Variants in EYS observed in about 807,000 individuals in gnomAD.
The protein encoded by EYS is protein eyes shut homolog.
EYS carries 250 observed loss-of-function variants against 282.1 expected under a neutral mutation model. The observed-to-expected ratio is 0.89, with a 90% confidence interval of 0.80 to 0.98. EYS has a LOEUF of 0.98. Ranked by LOEUF, EYS falls within the 50% of genes least tolerant of loss-of-function variation. The probability of loss-of-function intolerance (pLI) is 0.00; values close to 1 mark genes in which losing one functional copy is unlikely to be tolerated. For missense variants in EYS, 4,016 were observed against 3,709.0 expected, an observed-to-expected ratio of 1.08 and a Z score of -2.15; for synonymous variants, 1,355 against 1,282.9, an observed-to-expected ratio of 1.06 and a Z score of -1.20.
At chr6:65,689,533 TTA>T (rs1259211866) in intron 1 of EYS, among the ~76,000 whole-genome samples, 1 of 149,674 alleles carries the variant, frequency 6.7e-6, no homozygotes, top group Non-Finnish European at 1.5e-5. Context: ...ATAAAAAAAA[TTA>T]TGTGTAAAAA....
At chr6:63,928,616 T>G (rs983077431) in intron 35 of EYS, among the ~76,000 whole-genome samples, 1 of 152,220 alleles carries the variant, frequency 6.6e-6, no homozygotes. Context: ...ACATATATTC[T>G]ATCTCACTTT....
chr6:65,270,541 T>C (rs940673020), intron 12 of EYS, among the ~76,000 whole-genome samples: 2 of 152,178 alleles, frequency 1.3e-5, no homozygotes, highest in African/African-American at 4.8e-5. Flanking sequence ...TTTTTTGTGA[T>C]ATGGATAGGC....
chr6:65,265,732 T>C (rs890172966), intron 12 of EYS, among the ~76,000 whole-genome samples: 2 of 151,968 alleles, frequency 1.3e-5, no homozygotes, highest in Non-Finnish European at 2.9e-5. Flanking sequence ...TTGAAGAATA[T>C]ATCAAATGTA....
chr6:65,674,603 A>G (rs1378088122), intron 1 of EYS, among the ~76,000 whole-genome samples: 1 of 151,994 alleles, frequency 6.6e-6, no homozygotes, highest in Non-Finnish European at 1.5e-5. Flanking sequence ...GAAATAAATA[A>G]AATTGCCAAC....
chr6:64,944,205 C>T (rs1769195682), intron 15 of EYS, among the ~76,000 whole-genome samples: 1 of 151,966 alleles, frequency 6.6e-6, no homozygotes, highest in Admixed American at 6.6e-5. Context: ...TTTTACTATA[C>T]ACAGAAAAGT....
intron 12 of EYS, among the ~76,000 whole-genome samples, chr6:65,237,897 T>A (rs1766966787): frequency 6.6e-6 from 1 of 152,108 alleles, no homozygotes; most frequent in Admixed American, 6.6e-5. Flanking sequence ...TTACAGTGAA[T>A]CATGGCCCAT....
intron 12 of EYS, among the ~76,000 whole-genome samples, chr6:65,127,429 GT>G (rs1775750382): frequency 6.6e-6 from 1 of 152,000 alleles, no homozygotes; most frequent in South Asian, 2.1e-4. Context: ...CAAAGCAATT[GT>G]TAAATTTTAA....
At chr6:65,251,938 T>A (rs1767336260) in intron 12 of EYS, among the ~76,000 whole-genome samples, 1 of 152,012 alleles carries the variant, frequency 6.6e-6, no homozygotes, top group Non-Finnish European at 1.5e-5. Flanking sequence ...AATTCCGTCA[T>A]GCTGGTGGTG....
intron 12 of EYS, among the ~76,000 whole-genome samples, chr6:65,073,153 C>A (rs1773948271): frequency 6.6e-6 from 1 of 151,536 alleles, no homozygotes; most frequent in Admixed American, 6.6e-5. Flanking sequence ...ACCCTTTGGG[C>A]ATGTAGCAGA....
intron 12 of EYS, among the ~76,000 whole-genome samples, chr6:65,252,187 AG>A (rs1381160936): frequency 6.6e-6 from 1 of 152,000 alleles, no homozygotes; most frequent in East Asian, 1.9e-4. Flanking sequence ...TGGAGTGCAC[AG>A]GGGAGATGGC....
intron 31 of EYS, among the ~76,000 whole-genome samples, chr6:64,179,623 G>A (rs986143853): frequency 1.3e-5 from 2 of 152,026 alleles, no homozygotes; most frequent in Admixed American, 6.6e-5. Context: ...ACATTTCAGA[G>A]TTTATAAAAT....
intron 22 of EYS, among the ~76,000 whole-genome samples, chr6:64,730,191 C>T (rs190584418): frequency 6.6e-5 from 10 of 152,138 alleles, no homozygotes; most frequent in Admixed American, 2.6e-4. Context: ...AAGGGAGGGA[C>T]TTATTAACTG....
At chr6:63,947,782 G>C (rs1562109985) in intron 35 of EYS, among the ~76,000 whole-genome samples, 1 of 152,122 alleles carries the variant, frequency 6.6e-6, no homozygotes, top group African/African-American at 2.4e-5. Flanking sequence ...GCAATCATTG[G>C]TTATGCCTTA....
chr6:64,539,437 T>C (rs1466224438), intron 26 of EYS, among the ~76,000 whole-genome samples: 1 of 152,078 alleles, frequency 6.6e-6, no homozygotes, highest in Admixed American at 6.6e-5. Flanking sequence ...CATCTGGGTG[T>C]GGCAGTGCAC....
rs181853316 is a variant in EYS at position 65,153,785 on chromosome 6, T to G, written c.2024-96058A>C. ...CAGAATATAGTCATGTAAAAATTCT[T>G]TAGACTGTTAATGTAATCACATCTT... On this transcript the variant is annotated intron_variant, in intron 12 of 42. Coordinates refer to ENST00000503581, the MANE Select transcript of EYS (RefSeq NM_001142800.2). Among the ~76,000 whole-genome samples, 182 of 151,920 alleles carry G rather than the reference T, an allele frequency of 1.2e-3. 1 individual carries two copies. Among genetic ancestry groups the G allele is most frequent in the African/African-American group, 4.1e-3 (170 of 41,528 alleles).
At chr6:65,347,960 A>C (rs988017995) in intron 9 of EYS, among the ~76,000 whole-genome samples, 2 of 151,688 alleles carry the variant, frequency 1.3e-5, no homozygotes, top group African/African-American at 4.8e-5. Flanking sequence ...AGCTCCTACA[A>C]ATACATGAGA....
chr6:65,239,678 A>G (rs555431280), intron 12 of EYS, among the ~76,000 whole-genome samples: 35 of 152,258 alleles, frequency 2.3e-4, no homozygotes, highest in African/African-American at 8.2e-4. Flanking sequence ...GGGTGCAACA[A>G]GAGTTGATAT....
intron 19 of EYS, among the ~76,000 whole-genome samples, chr6:64,859,814 T>G (rs1256482865): frequency 6.6e-6 from 1 of 152,208 alleles, no homozygotes; most frequent in Non-Finnish European, 1.5e-5. Flanking sequence ...ATACAAATGT[T>G]ATTGATAGAA....
At chr6:65,013,246 GAAC>G (rs1259777637) in intron 13 of EYS, among the ~76,000 whole-genome samples, 2 of 152,070 alleles carry the variant, frequency 1.3e-5, no homozygotes, top group African/African-American at 4.8e-5. Context: ...TTACATAGCT[GAAC>G]AACAATGTAT....
Sources: allele counts gnomAD v4.1 joint callset (sites outside exome capture counted in the v4.1 genomes callset), GRCh38; gene constraint gnomAD v4.1.1; transcripts MANE v1.5; gene names NCBI Gene and HGNC (gene_info 2026-07-23, HGNC 2026-07-21).